The following IQSEC1 variants were observed in gnomAD, a reference collection of about 807,000 sequenced individuals.
IQSEC1 encodes IQ motif and Sec7 domain ArfGEF 1.
In IQSEC1, 31 loss-of-function variants were observed where a neutral mutation model predicts 91.0. The observed-to-expected ratio is 0.34, with a 90% confidence interval of 0.26 to 0.46. The LOEUF is 0.46. IQSEC1 is among the 20% of genes least tolerant of loss of function. The pLI, the probability that IQSEC1 is intolerant of heterozygous loss-of-function variation, is 1.00. For synonymous variants in IQSEC1, 699 were observed against 662.6 expected, an observed-to-expected ratio of 1.05 and a Z score of -0.84; for missense variants, 1,388 against 1,575.6, an observed-to-expected ratio of 0.88 and a Z score of 2.02.
intron 9 of IQSEC1, 55 bp from the exon 10 acceptor site, chr3:12,911,783 TGTGGG>T (rs1466903434): frequency 8.2e-7 from 1 of 1,224,612 alleles, no homozygotes; most frequent in African/African-American, 1.5e-5. Context: ...GCACTGACTA[TGTGGG>T]ACCTCTGGTC....
Position 12,992,419 on chromosome 3 carries a change from T to C in IQSEC1, c.24-50554A>G, listed in dbSNP as rs1365680976. Among the ~76,000 whole-genome samples the C allele has an allele frequency of 1.3e-5, 2 of 152,146 alleles. No homozygotes were observed. Among genetic ancestry groups the C allele is most frequent in the East Asian group, 1.9e-4 (1 of 5,194 alleles). ...CTTAAATCTGGTTTCTGGGCTCTAA[T>C]TGCACATGGCTTCAGCAGCCTGGCC... On this transcript the variant is annotated intron_variant, in intron 1 of 13. Transcript: ENST00000613206. This position sits in a 1 kb window ranked among gnomAD's most constrained non-coding sequence, Gnocchi z 4.1.
At chr3:13,095,943 T>A (rs1705948080) in intron 2 of IQSEC1, among the ~76,000 whole-genome samples, 1 of 152,134 alleles carries the variant, frequency 6.6e-6, no homozygotes, top group African/African-American at 2.4e-5. Context: ...CTGCATTCCC[T>A]CATTTGGAAG....
Position 13,149,982 on chromosome 3 carries a change from G to A in IQSEC1, c.302+14122C>T, listed in dbSNP as rs555202457. On this transcript the variant is annotated intron_variant, in intron 2 of 15. Transcript: ENST00000648114. ...GGTGACAAACAGTCCCTAGGCTCCC[G>A]GGAACGGTCCTGCCAGACCCTGGTT... Among the ~76,000 whole-genome samples the A allele has an allele frequency of 7.9e-5, 12 of 152,294 alleles. No homozygotes were observed. In the South Asian group the frequency reaches 1.2e-3, roughly 16 times the overall value.
chr3:13,172,764 C>T (rs545606470), intron 1 of IQSEC1, among the ~76,000 whole-genome samples: 2 of 152,364 alleles, frequency 1.3e-5, no homozygotes, highest in South Asian at 2.1e-4. Context: ...CAGGACTCCA[C>T]ACCCGGGGGT....
At chr3:13,267,649 G>A (rs897296255) in intron 1 of IQSEC1, among the ~76,000 whole-genome samples, 2 of 133,808 alleles carry the variant, frequency 1.5e-5, no homozygotes, top group African/African-American at 2.8e-5. Flanking sequence ...ACAGAGTCTC[G>A]CTCTGTCGCC....
chr3:13,191,347 C>T (rs1003119513), intron 1 of IQSEC1, among the ~76,000 whole-genome samples: 3 of 152,304 alleles, frequency 2.0e-5, no homozygotes, highest in African/African-American at 4.8e-5. Context: ...CTATCTTCGT[C>T]GTATTCACTT....
chr3:13,002,547 CAAAAA>C (rs57241537), intron 1 of IQSEC1, among the ~76,000 whole-genome samples: 2 of 107,264 alleles, frequency 1.9e-5, no homozygotes, highest in Admixed American at 9.2e-5. Context: ...ACCTGATCTC[CAAAAA>C]AAAAAAAAAA....
intron 1 of IQSEC1, among the ~76,000 whole-genome samples, chr3:12,972,713 GA>G (rs1700966065): frequency 1.3e-5 from 2 of 152,304 alleles, no homozygotes; most frequent in African/African-American, 4.8e-5. Flanking sequence ...ATGTGCCCCA[GA>G]ACTATAAACA....
chr3:13,214,720 C>T lies in IQSEC1; in HGVS notation c.273-50587G>A, dbSNP rs987450863. 3.3e-5 allele frequency among the ~76,000 whole-genome samples: 5 copies of T among 152,190 alleles called. No homozygotes were observed. Among genetic ancestry groups the T allele is most frequent in the Non-Finnish European group, 5.9e-5 (4 of 68,032 alleles). On this transcript the variant is annotated intron_variant, in intron 1 of 15. Transcript: ENST00000648114. This position sits in a 1 kb window ranked among gnomAD's most constrained non-coding sequence, Gnocchi z 4.5. Reference sequence around the variant, plus strand: ...CCGGTGGAGCACGGTCTCCAGGGAGCGGTGTTGAGGTCTCAGCTGGGCACC... The same window carrying T: ...CCGGTGGAGCACGGTCTCCAGGGAGTGGTGTTGAGGTCTCAGCTGGGCACC...
chr3:13,053,963 G>A (rs2125070116), intron 1 of IQSEC1, among the ~76,000 whole-genome samples: 1 of 152,316 alleles, frequency 6.6e-6, no homozygotes, highest in Middle Eastern at 3.4e-3. Context: ...CCTGTGCCTG[G>A]GTGTAGATGT....
intron 1 of IQSEC1, among the ~76,000 whole-genome samples, chr3:13,032,521 C>T (rs964600637): frequency 1.3e-5 from 2 of 152,210 alleles, no homozygotes; most frequent in Admixed American, 1.3e-4. Flanking sequence ...GTGTGCACCC[C>T]TAAAACACCA....
At chr3:12,969,996 A>G (rs1173592544) in intron 1 of IQSEC1, among the ~76,000 whole-genome samples, 2 of 152,138 alleles carry the variant, frequency 1.3e-5, no homozygotes, top group East Asian at 1.9e-4. Context: ...GAGAAGGCCA[A>G]TTTTTCTGCA....
chr3:13,130,517 A>G (rs1706594417), intron 2 of IQSEC1, among the ~76,000 whole-genome samples: 1 of 152,198 alleles, frequency 6.6e-6, no homozygotes, highest in African/African-American at 2.4e-5. Context: ...TTCCAGGTGC[A>G]CTGGAGAAGA....
intron 2 of IQSEC1, among the ~76,000 whole-genome samples, chr3:13,110,932 G>C (rs2124862844): frequency 6.6e-6 from 1 of 152,274 alleles, no homozygotes; most frequent in African/African-American, 2.4e-5. Context: ...ACGATGCCTG[G>C]GGGGAATTAC....
Position 12,897,374 on chromosome 3 carries a change from A to AG in IQSEC1, c.*3608dup, listed in dbSNP as rs1332420220. Reference sequence around the variant, plus strand: ...CAGTGGGGGTGCCAGGCTTCTTGTGAGGGAGGTGTCCCTTGAAGTCTCTGA... The same window carrying AG: ...CAGTGGGGGTGCCAGGCTTCTTGTGAGGGGAGGTGTCCCTTGAAGTCTCTGA... On this transcript the variant is annotated 3_prime_UTR_variant, in exon 14 of 14. Transcript: ENST00000613206. 2.0e-5 allele frequency: 3 copies of AG among 152,248 alleles called. No individual in the cohort carries two copies. The highest frequency in any genetic ancestry group is 2.0e-4 in the Admixed American group (3 of 15,286). The allele number at this position is 152,248 out of a possible 1,614,324, so 9.4% of individuals were successfully genotyped here.
In IQSEC1 at chr3:13,073,145, T is replaced by C. The variant is rs1576237261; in HGVS notation, c.-131A>G. 1.5e-4 allele frequency: 99 copies of C among 668,760 alleles called. No individual in the cohort carries two copies. The highest frequency in any genetic ancestry group is 2.4e-4 in the Admixed American group (9 of 37,372). The allele number at this position is 668,760 out of a possible 1,614,324, so 41.4% of individuals were successfully genotyped here. A position where few individuals can be genotyped will look rare whatever the true frequency, so the allele number is the denominator to read the frequency against. ...AATTAAATCGCGGGGCGAGTCACAT[T>C]CCCGGGGGTGGCGGGCTCCTCCAGG... On this transcript the variant is annotated 5_prime_UTR_variant, in exon 1 of 14. Transcript: ENST00000613206.
intron 1 of IQSEC1, among the ~76,000 whole-genome samples, chr3:13,068,035 G>C (rs1486804830): frequency 2.0e-5 from 3 of 152,232 alleles, no homozygotes; most frequent in Non-Finnish European, 4.4e-5. Flanking sequence ...TGGAAGGGGA[G>C]TATCAGCCCC....
chr3:13,093,195 AT>A (rs1365698679), intron 2 of IQSEC1, among the ~76,000 whole-genome samples: 1 of 148,984 alleles, frequency 6.7e-6, no homozygotes, highest in South Asian at 2.2e-4. Context: ...ACAGAGAGGC[AT>A]TAAGAGCAAA....
rs867549284 is a variant in IQSEC1 at position 12,908,952 on chromosome 3, G to C, written c.2578+321C>G. On this transcript the variant is annotated intron_variant, in intron 11 of 13. Coordinates refer to ENST00000613206, the MANE Select transcript of IQSEC1 (RefSeq NM_001134382.3). The surrounding 1 kb of genome is among the most constrained non-coding windows in gnomAD (Gnocchi z 4.9). Reference sequence around the variant, plus strand: ...TGGCTGTGTGACCCATCAGTCGGTTGAGCCTGATGCAGAAGATGACGAGGT... The same window carrying C: ...TGGCTGTGTGACCCATCAGTCGGTTCAGCCTGATGCAGAAGATGACGAGGT... 6.6e-6 allele frequency among the ~76,000 whole-genome samples: 1 copy of C among 152,310 alleles called. No homozygotes were observed. Among genetic ancestry groups the C allele is most frequent in the South Asian group, 2.1e-4 (1 of 4,828 alleles).
Sources: allele counts gnomAD v4.1 joint callset (sites outside exome capture counted in the v4.1 genomes callset), GRCh38; gene constraint gnomAD v4.1.1; non-coding constraint Gnocchi (gnomAD v3.1); transcripts MANE v1.5; gene names NCBI Gene and HGNC (gene_info 2026-07-23, HGNC 2026-07-21).